The following LDLRAP1 variants were observed in gnomAD, a reference collection of about 807,000 sequenced individuals.
LDLRAP1 encodes low density lipoprotein receptor adapter protein 1.
A neutral mutation model predicts 37.8 loss-of-function variants in LDLRAP1; 30 were observed. The ratio of observed to expected loss-of-function variants is 0.79; its 90% CI spans 0.59 to 1.08. The LOEUF (loss-of-function observed/expected upper bound fraction) is 1.08. Among genes scored for constraint, LDLRAP1 ranks in the 50% least tolerant of loss-of-function variants. The probability of loss-of-function intolerance (pLI) is 0.00; values close to 1 mark genes in which losing one functional copy is unlikely to be tolerated. For missense variants in LDLRAP1, 375 were observed against 401.6 expected (o/e 0.93, Z 0.57); for synonymous variants, 156 against 169.8 (o/e 0.92, Z 0.63).
chr1:25,583,766 A>G, the LDLRAP1 span, among the ~76,000 whole-genome samples: 2 of 151,988 alleles, frequency 1.3e-5, no homozygotes, highest in Non-Finnish European at 2.9e-5. Context: ...AGAAACCCCT[A>G]TGCCATCCTC....
At chr1:25,587,306 C>T in the LDLRAP1 span, among the ~76,000 whole-genome samples, 1 of 152,174 alleles carries the variant, frequency 6.6e-6, no homozygotes, top group Admixed American at 6.5e-5. Flanking sequence ...CATGTACCAC[C>T]ATGCCCTGCT....
rs376178978 is a variant in LDLRAP1, at chr1:25,566,895, C to T, written c.830C>T (p.Thr277Ile). 14 of 1,612,992 alleles carry T rather than the reference C, an allele frequency of 8.7e-6. No homozygotes were observed. In the East Asian group the frequency reaches 2.7e-4, roughly 31 times the overall value. The change falls in exon 9 of 9, where the codon ACA becomes ATA. Residue 277 changes from threonine to isoleucine, a missense_variant. Transcript: ENST00000374338. ...TNPQVLDTGL[T>I]AQDMHYAQCL... The stretch of plus-strand genomic sequence containing the variant: ...CCTCAGGTCCTGGACACTGGCCTGA[C>T]AGCCCAGGACATGCATTACGCCCAG...
At chr1:25,560,334 A>G (rs959911668) in intron 4 of LDLRAP1, among the ~76,000 whole-genome samples, 34 of 152,006 alleles carry the variant, frequency 2.2e-4, no homozygotes, top group African/African-American at 8.0e-4. Flanking sequence ...TTCATGACCC[A>G]TTGAGGTTGG....
chr1:25,564,907 A>G (rs954845500), intron 7 of LDLRAP1: 4 of 505,024 alleles, frequency 7.9e-6, no homozygotes, highest in African/African-American at 3.9e-5. Context: ...GGCAGGTAGC[A>G]TGGACCAGGG....
At chr1:25,572,721 C>T (rs1253574534), downstream of LDLRAP1, among the ~76,000 whole-genome samples, 1 of 152,222 alleles carries the variant, frequency 6.6e-6, no homozygotes, top group Non-Finnish European at 1.5e-5. Context: ...AGAGAAGTCC[C>T]TCCCACTCTT....
chr1:25,557,714 T>A (rs546125463), intron 4 of LDLRAP1, among the ~76,000 whole-genome samples: 5 of 151,708 alleles, frequency 3.3e-5, no homozygotes, highest in African/African-American at 9.7e-5. Context: ...GGGCAATGGC[T>A]GTTTCTTGGT....
In LDLRAP1 at chr1:25,565,211, A is replaced by G. The variant is rs1220016299; in HGVS notation, c.782+4A>G. 16 of 1,613,864 alleles carry G rather than the reference A, an allele frequency of 9.9e-6. No homozygotes were observed. Among genetic ancestry groups the G allele is most frequent in the South Asian group, 7.7e-5 (7 of 91,092 alleles). On this transcript the variant is annotated splice_donor_region_variant and intron_variant, in intron 8 of 8. Coordinates refer to ENST00000374338, the MANE Select transcript of LDLRAP1 (RefSeq NM_015627.3). ...GCCTGGATGAAGCGTTTTCGAGGTA[A>G]TGCTAGCTTCCTGTGCTGGGTAGGG...
chr1:25,575,422 C>CTA, the LDLRAP1 span, among the ~76,000 whole-genome samples: 1 of 34,350 alleles, frequency 2.9e-5, no homozygotes. Flanking sequence ...CCTGTCTCTA[C>CTA]TAAAAAAAAA....
chr1:25,565,288 CCCT>C, intron 8 of LDLRAP1, 81 bp downstream of exon 8: 1 of 1,509,270 alleles, frequency 6.6e-7, no homozygotes, highest in South Asian at 1.1e-5. Flanking sequence ...GGGACCTTTC[CCCT>C]GATTAAGAAC....
chr1:25,563,217 G>A (rs2044389949), intron 6 of LDLRAP1, 64 bp downstream of exon 6: 1 of 1,401,668 alleles, frequency 7.1e-7, no homozygotes, highest in Non-Finnish European at 1.0e-6. Context: ...ACCCAGGGGG[G>A]TCCCACTCCT....
chr1:25,567,065 G>A lies in LDLRAP1; in HGVS notation c.*73G>A, dbSNP rs1433898056. The A allele has an allele frequency of 6.3e-7, 1 of 1,586,478 alleles. No individual in the cohort carries two copies. The highest frequency in any genetic ancestry group is 1.1e-5 in the South Asian group (1 of 89,732). The stretch of plus-strand genomic sequence containing the variant: ...AAAGCCACCTGCTGCGGGGGAGCCA[G>A]TTCTGGGGCCCGCCTGCCACCTCTC... On this transcript the variant is annotated 3_prime_UTR_variant, in exon 9 of 9. Transcript: ENST00000374338.
chr1:25,571,595 G>A (rs1284098433), downstream of LDLRAP1, among the ~76,000 whole-genome samples: 5 of 152,224 alleles, frequency 3.3e-5, no homozygotes, highest in African/African-American at 2.4e-5. Context: ...GGCCTGTGGC[G>A]GTTACATGAT....
At chr1:25,565,720 C>T (rs1344373650) in intron 8 of LDLRAP1, among the ~76,000 whole-genome samples, 2 of 152,120 alleles carry the variant, frequency 1.3e-5, no homozygotes, top group African/African-American at 2.4e-5. Flanking sequence ...CAGGGGCCAT[C>T]CTTGTGGCCC....
chr1:25,571,812 G>A (rs1053163990), downstream of LDLRAP1, among the ~76,000 whole-genome samples: 1 of 152,220 alleles, frequency 6.6e-6, no homozygotes, highest in Non-Finnish European at 1.5e-5. Context: ...TGGTGCGTTT[G>A]TGGCCAGGAC....
In LDLRAP1 at chr1:25,566,174, C is replaced by T. The variant is rs1323011254; in HGVS notation, c.783-674C>T. Among the ~76,000 whole-genome samples, 3 of 152,170 alleles carry T rather than the reference C, an allele frequency of 2.0e-5. No homozygotes were observed. The East Asian group carries it at 5.8e-4, about 29-fold the overall frequency. On this transcript the variant is annotated intron_variant, in intron 8 of 8. Coordinates refer to ENST00000374338, the MANE Select transcript of LDLRAP1 (RefSeq NM_015627.3). ...CAGCAAAGCATTAAACAGAAAGTAA[C>T]ACCATCCTGTAATCCCACAGCCCAG... is the stretch of plus-strand genomic sequence containing the variant.
chr1:25,582,979 G>A, the LDLRAP1 span, among the ~76,000 whole-genome samples: 1 of 151,702 alleles, frequency 6.6e-6, no homozygotes, highest in Non-Finnish European at 1.5e-5. Flanking sequence ...TGCTGAGGCA[G>A]GAGAATCACT....
chr1:25,567,087 T>C lies in LDLRAP1; in HGVS notation c.*95T>C. ...CCAGTTCTGGGGCCCGCCTGCCACC[T>C]CTCCCAGCCCTCAGCATTGTCAGCC... is the stretch of plus-strand genomic sequence containing the variant. On this transcript the variant is annotated 3_prime_UTR_variant, in exon 9 of 9. Transcript: ENST00000374338. 1 of 1,453,240 alleles carries C rather than the reference T, an allele frequency of 6.9e-7. No homozygotes were observed. The highest frequency in any genetic ancestry group is 9.5e-7 in the Non-Finnish European group (1 of 1,050,118). 90.0% of individuals were successfully genotyped at this position (1,453,240 alleles called of 1,614,324 possible).
Position 25,544,996 on chromosome 1 carries a change from C to T in LDLRAP1, c.88+1210C>T, listed in dbSNP as rs2043899270. Among the ~76,000 whole-genome samples, 1 of 152,260 alleles carries T rather than the reference C, an allele frequency of 6.6e-6. No individual in the cohort carries two copies. Among genetic ancestry groups the T allele is most frequent in the African/African-American group, 2.4e-5 (1 of 41,466 alleles). The stretch of plus-strand genomic sequence containing the variant: ...CTCTGTTGTTCAGCTGTGGCCGCCT[C>T]CCAGCTGAGACTGGCATTGGCATTG... On this transcript the variant is annotated intron_variant, in intron 1 of 8. Transcript: ENST00000374338. This position sits in a 1 kb window ranked among gnomAD's most constrained non-coding sequence, Gnocchi z 4.8.
At chr1:25,557,305 G>A (rs2124674576) in intron 4 of LDLRAP1, 38 bp downstream of exon 4, 1 of 1,530,874 alleles carries the variant, frequency 6.5e-7, no homozygotes, top group Non-Finnish European at 9.1e-7. Flanking sequence ...AGGGTCCAGT[G>A]GCCTTGGCAG....
Sources: gnomAD v4.1 joint callset for allele counts (sites outside exome capture counted in the v4.1 genomes callset) on GRCh38, gnomAD v4.1.1 for gene constraint, Gnocchi (gnomAD v3.1) non-coding constraint, MANE v1.5 for transcripts, NCBI Gene and HGNC (gene_info 2026-07-23, HGNC 2026-07-21) for gene names.